MCC: variants seen among roughly 807,000 people sequenced by gnomAD.
MCC encodes the protein MCC regulator of Wnt signaling pathway.
In MCC, 90 loss-of-function variants were observed where a neutral mutation model predicts 116.2. That is an observed-to-expected ratio of 0.77 (90% CI 0.65 to 0.92). The LOEUF (loss-of-function observed/expected upper bound fraction) is 0.92. Among genes scored for constraint, MCC ranks in the 40% least tolerant of loss-of-function variants. The pLI, the probability that MCC is intolerant of heterozygous loss-of-function variation, is 0.00. For missense variants in MCC, 1,516 were observed against 1,312.2 expected, an observed-to-expected ratio of 1.16 and a Z score of -2.40; for synonymous variants, 578 against 510.5, an observed-to-expected ratio of 1.13 and a Z score of -1.78.
chr5:113,068,889 C>T (rs1318726663), intron 12 of MCC, among the ~76,000 whole-genome samples: 1 of 152,190 alleles, frequency 6.6e-6, no homozygotes, highest in Non-Finnish European at 1.5e-5. Context: ...ACCAGAACCA[C>T]CTACTAAGCC....
chr5:113,029,965 G>A (rs562029934), intron 17 of MCC, among the ~76,000 whole-genome samples: 1 of 152,326 alleles, frequency 6.6e-6, no homozygotes, highest in African/African-American at 2.4e-5. Context: ...CACCCCCAGT[G>A]CTGAGCACCG....
At chr5:113,440,053 G>A (rs1770988697) in intron 1 of MCC, among the ~76,000 whole-genome samples, 1 of 152,044 alleles carries the variant, frequency 6.6e-6, no homozygotes, top group African/African-American at 2.4e-5. Flanking sequence ...TTGAGCCACT[G>A]TGCCTGATCT....
intron 16 of MCC, among the ~76,000 whole-genome samples, chr5:113,043,881 G>A (rs1351388626): frequency 3.3e-5 from 5 of 152,248 alleles, no homozygotes; most frequent in African/African-American, 9.6e-5. Context: ...CTGAGCAGCC[G>A]CTGATGCCAG....
intron 14 of MCC, among the ~76,000 whole-genome samples, chr5:113,058,823 C>G (rs1250766470): frequency 6.6e-6 from 1 of 152,212 alleles, no homozygotes; most frequent in Non-Finnish European, 1.5e-5. Flanking sequence ...CCACACAGCA[C>G]CTGTCCTGTG....
At chr5:113,439,603 T>C (rs970513392) in intron 1 of MCC, among the ~76,000 whole-genome samples, 2 of 152,216 alleles carry the variant, frequency 1.3e-5, no homozygotes, top group Non-Finnish European at 2.9e-5. Flanking sequence ...GTAAGTTTTC[T>C]GCTAGAGACT....
rs1432597034 is a variant in MCC at position 113,071,156 on chromosome 5, C to T, written c.1863G>A (p.Met621Ile). ...LEECKSNAER[M>I]SMLVGKYESN... is the part of the protein sequence containing the mutation. ...ATTCGTATTTTCCCACCAGCATGCT[C>T]ATCCTCTCGGCATTGCTTTTACATT... Residue 621 changes from methionine (M) to isoleucine (I), a missense_variant, in exon 12 of 19, where the codon ATG becomes ATA. Met to Ile is a conservative substitution (Grantham distance 10). Transcript: ENST00000408903. 6.2e-7 allele frequency: 1 copy of T among 1,614,098 alleles called. No homozygotes were observed. The highest frequency in any genetic ancestry group is 8.5e-7 in the Non-Finnish European group (1 of 1,180,046).
chr5:113,154,470 G>A (rs572794919), intron 3 of MCC, among the ~76,000 whole-genome samples: 1 of 152,222 alleles, frequency 6.6e-6, no homozygotes, highest in East Asian at 1.9e-4. Flanking sequence ...GAGTAGGTGA[G>A]GAGAGGAGTG....
intron 3 of MCC, among the ~76,000 whole-genome samples, chr5:113,205,765 C>T (rs759771254): frequency 3.9e-5 from 6 of 152,078 alleles, no homozygotes; most frequent in Non-Finnish European, 7.4e-5. Context: ...TAGAGGTGAG[C>T]GGGTAGCGAA....
intron 6 of MCC, among the ~76,000 whole-genome samples, chr5:113,113,593 C>A (rs1229471507): frequency 3.0e-5 from 4 of 134,714 alleles, no homozygotes; most frequent in African/African-American, 1.1e-4. Context: ...GACAAACTGA[C>A]ATTAGGAACC....
chr5:113,319,321 G>A (rs924716034), intron 3 of MCC, among the ~76,000 whole-genome samples: 1 of 152,202 alleles, frequency 6.6e-6, no homozygotes, highest in Admixed American at 6.5e-5. Context: ...GCTCCGAGAA[G>A]CAGAGAGGTA....
intron 1 of MCC, among the ~76,000 whole-genome samples, chr5:113,397,061 C>T (rs183281666): frequency 1.3e-5 from 2 of 152,296 alleles, no homozygotes; most frequent in Admixed American, 6.5e-5. Context: ...TGCACCTCAG[C>T]CCCTTTTTAA....
intron 3 of MCC, among the ~76,000 whole-genome samples, chr5:113,169,922 T>G (rs1157350397): frequency 6.6e-6 from 1 of 152,210 alleles, no homozygotes; most frequent in Non-Finnish European, 1.5e-5. Flanking sequence ...AATGATAACA[T>G]TTCTATTCTA....
intron 4 of MCC, 71 bp downstream of exon 4, chr5:113,151,238 T>C (rs1221447714): frequency 2.3e-6 from 2 of 887,660 alleles, no homozygotes; most frequent in East Asian, 5.2e-5. Context: ...TCTGTACTCA[T>C]GTTTTATCTT....
intron 1 of MCC, among the ~76,000 whole-genome samples, chr5:113,476,101 G>T (rs953486178): frequency 1.3e-5 from 2 of 152,100 alleles, no homozygotes; most frequent in African/African-American, 4.8e-5. Flanking sequence ...GAAAAACATA[G>T]TTACTAAAAA....
intron 16 of MCC, among the ~76,000 whole-genome samples, chr5:113,047,095 C>T (rs944693246): frequency 2.2e-4 from 34 of 152,132 alleles, no homozygotes; most frequent in African/African-American, 8.0e-4. Context: ...GGGCTCAGCT[C>T]AGAAGTTCAT....
intron 3 of MCC, among the ~76,000 whole-genome samples, chr5:113,170,744 T>C (rs1281094374): frequency 1.3e-5 from 2 of 152,180 alleles, no homozygotes; most frequent in African/African-American, 4.8e-5. Context: ...CAAGAAGTTA[T>C]AGACTTTTCG....
chr5:113,145,564 G>A (rs778003991), intron 4 of MCC, among the ~76,000 whole-genome samples: 1 of 152,088 alleles, frequency 6.6e-6, no homozygotes, highest in Non-Finnish European at 1.5e-5. Context: ...AGATGTTCAA[G>A]GGTTTATATA....
At chr5:113,101,633 A>C (rs1756416094) in intron 8 of MCC, 106 bp downstream of exon 8, 1 of 1,217,900 alleles carries the variant, frequency 8.2e-7, no homozygotes, top group South Asian at 1.3e-5. Flanking sequence ...GATTCCCAAA[A>C]TTACAAATGC....
Position 113,053,821 on chromosome 5 carries a change from G to C in MCC, c.2352C>G (p.His784Gln), listed in dbSNP as rs755635881. The C allele has an allele frequency of 3.1e-6, 5 of 1,614,062 alleles. No individual in the cohort carries two copies. The highest frequency in any genetic ancestry group is 2.5e-6 in the Non-Finnish European group (3 of 1,180,034). The change falls in exon 15 of 19, where the codon CAC (histidine) becomes CAG (glutamine). Residue 784 changes from histidine (H) to glutamine (Q), a missense_variant. By Grantham distance (24) the His-to-Gln change is conservative (BLOSUM62 0). Transcript: ENST00000408903. Reference sequence around the variant, plus strand: ...TGACGTCATAGCTGAGAGGATCGATGTGGATGCTTTCCAGCTCCAGCATGG... The same window carrying C: ...TGACGTCATAGCTGAGAGGATCGATCTGGATGCTTTCCAGCTCCAGCATGG... ...KLTMLELESI[H>Q]IDPLSYDVKP...
Sources: gnomAD v4.1 joint callset for allele counts (sites outside exome capture counted in the v4.1 genomes callset) on GRCh38, gnomAD v4.1.1 for gene constraint, MANE v1.5 for transcripts, NCBI Gene and HGNC (gene_info 2026-07-23, HGNC 2026-07-21) for gene names.